The following VWC2L variants were observed in gnomAD, a reference collection of about 807,000 sequenced individuals.
VWC2L encodes the protein von Willebrand factor C domain-containing protein 2-like.
VWC2L carries 10 observed loss-of-function variants against 21.6 expected under a neutral mutation model. The observed-to-expected ratio is 0.46, with a 90% CI of 0.29 to 0.78. The LOEUF is 0.78. Ranked by LOEUF, VWC2L falls within the 30% of genes least tolerant of loss-of-function variation. VWC2L has a pLI of 0.10. For missense variants in VWC2L, 209 were observed against 277.1 expected (o/e 0.75, Z 1.74); for synonymous variants, 96 against 94.3 (o/e 1.02, Z -0.10).
intron 3 of VWC2L, among the ~76,000 whole-genome samples, chr2:214,542,595 T>C (rs1289423432): frequency 6.6e-6 from 1 of 152,198 alleles, no homozygotes; most frequent in East Asian, 1.9e-4. Flanking sequence ...TTAGCTACTG[T>C]CCACCACGCA....
At chr2:214,448,905 T>A (rs1375723502) in intron 3 of VWC2L, among the ~76,000 whole-genome samples, 1 of 152,106 alleles carries the variant, frequency 6.6e-6, no homozygotes, top group Non-Finnish European at 1.5e-5. Flanking sequence ...CTTTCCATCC[T>A]ATTCTCCCAG....
chr2:214,568,958 C>T (rs1380914008), intron 3 of VWC2L, among the ~76,000 whole-genome samples: 1 of 152,164 alleles, frequency 6.6e-6, no homozygotes, highest in African/African-American at 2.4e-5. Context: ...CAGCCCTTTT[C>T]TTCTCCCTCC....
intron 3 of VWC2L, among the ~76,000 whole-genome samples, chr2:214,546,561 C>T (rs922206504): frequency 6.6e-6 from 1 of 152,142 alleles, no homozygotes; most frequent in Non-Finnish European, 1.5e-5. Flanking sequence ...AATGTTCACA[C>T]ACAAACCGGG....
chr2:214,501,113 A>G (rs923836716), intron 3 of VWC2L, among the ~76,000 whole-genome samples: 1 of 152,224 alleles, frequency 6.6e-6, no homozygotes, highest in Non-Finnish European at 1.5e-5. Flanking sequence ...CAGTAAGCCA[A>G]TACTAAACCC....
Position 214,411,054 on chromosome 2 carries a change from A to G in VWC2L, c.-813A>G, listed in dbSNP as rs968965841. ...AGTGCGACTGCTTGGAGAGCACTCT[A>G]GCCTCGTCTAAAGCAGCTCTGGGAT... On this transcript the variant is annotated 5_prime_UTR_variant, in exon 1 of 4. Coordinates refer to ENST00000312504, the MANE Select transcript of VWC2L (RefSeq NM_001080500.4). The G allele has an allele frequency of 3.9e-5, 6 of 152,312 alleles. No individual in the cohort carries two copies. In the East Asian group the frequency reaches 7.7e-4, roughly 20 times the overall value. 9.4% of individuals were successfully genotyped at this position (152,312 alleles called of 1,614,324 possible). A position where few individuals can be genotyped will look rare whatever the true frequency, so the allele number is the denominator to read the frequency against.
chr2:214,551,108 A>C (rs1422005502), intron 3 of VWC2L, among the ~76,000 whole-genome samples: 1 of 152,206 alleles, frequency 6.6e-6, no homozygotes, highest in African/African-American at 2.4e-5. Context: ...ACTATGTTTT[A>C]AAAGAAAAAG....
chr2:214,539,914 G>A (rs1689601202), intron 3 of VWC2L, among the ~76,000 whole-genome samples: 1 of 152,014 alleles, frequency 6.6e-6, no homozygotes, highest in South Asian at 2.1e-4. Context: ...GCTGCATGGG[G>A]CTTGTTTGGG....
chr2:214,436,869 C>G (rs1047613197), intron 3 of VWC2L, 111 bp downstream of exon 3: 1 of 1,253,714 alleles, frequency 8.0e-7, no homozygotes, highest in Non-Finnish European at 1.1e-6. Flanking sequence ...TGTGGCTTTT[C>G]AATATGGGCA....
chr2:214,415,189 T>TA (rs1321027239), intron 2 of VWC2L: 2 of 152,176 alleles, frequency 1.3e-5, no homozygotes, highest in African/African-American at 4.8e-5. Context: ...TAAAGAGTAG[T>TA]AAAAAAGACT....
intron 3 of VWC2L, among the ~76,000 whole-genome samples, chr2:214,485,314 A>G (rs2126198643): frequency 6.6e-6 from 1 of 152,264 alleles, no homozygotes; most frequent in Admixed American, 6.5e-5. Context: ...CTTTAAAAAA[A>G]GAAAAAAAAA....
At chr2:214,418,786 G>A (rs2126170674) in intron 2 of VWC2L, among the ~76,000 whole-genome samples, 1 of 151,836 alleles carries the variant, frequency 6.6e-6, no homozygotes, top group Non-Finnish European at 1.5e-5. Context: ...AAGAAGCACT[G>A]AAAGTTGAGA....
At chr2:214,470,326 G>A (rs900047336) in intron 3 of VWC2L, among the ~76,000 whole-genome samples, 8 of 151,722 alleles carry the variant, frequency 5.3e-5, no homozygotes, top group South Asian at 2.1e-4. Context: ...CCTCATTCTC[G>A]GGGTCCCATG....
intron 3 of VWC2L, among the ~76,000 whole-genome samples, chr2:214,516,150 A>G (rs540467537): frequency 5.3e-5 from 8 of 152,074 alleles, no homozygotes; most frequent in Non-Finnish European, 8.8e-5. Flanking sequence ...AATTAGCCAT[A>G]CGGGGAGTAT....
chr2:214,556,080 C>T lies in VWC2L; in HGVS notation c.521-19592C>T, dbSNP rs1689868491. 2.0e-5 allele frequency among the ~76,000 whole-genome samples: 3 copies of T among 152,134 alleles called. No homozygotes were observed. The South Asian group carries it at 6.2e-4, about 32-fold the overall frequency. On this transcript the variant is annotated intron_variant, in intron 3 of 3. Coordinates refer to ENST00000312504, the MANE Select transcript of VWC2L (RefSeq NM_001080500.4). Reference sequence around the variant, plus strand: ...GATCACCAATGCAGAGAGTTCCTCCCGTCTCTACTAAAAATAAAAATAAAT... The same window carrying T: ...GATCACCAATGCAGAGAGTTCCTCCTGTCTCTACTAAAAATAAAAATAAAT...
At chr2:214,418,925 G>A (rs1268062037) in intron 2 of VWC2L, among the ~76,000 whole-genome samples, 1 of 152,140 alleles carries the variant, frequency 6.6e-6, no homozygotes, top group African/African-American at 2.4e-5. Flanking sequence ...CTTGGATTCT[G>A]TCTCCATCCC....
intron 3 of VWC2L, among the ~76,000 whole-genome samples, chr2:214,519,736 T>G (rs1226643320): frequency 6.6e-6 from 1 of 152,114 alleles, no homozygotes; most frequent in South Asian, 2.1e-4. Context: ...GGTCCCATTT[T>G]CTCCCCATAG....
At chr2:214,494,777 ACTT>A (rs1574596548) in intron 3 of VWC2L, among the ~76,000 whole-genome samples, 1 of 142,136 alleles carries the variant, frequency 7.0e-6, no homozygotes, top group East Asian at 2.1e-4. Context: ...AGCACTAGGT[ACTT>A]TTTTTTTTTT....
At chr2:214,458,941 C>T (rs902160262) in intron 3 of VWC2L, among the ~76,000 whole-genome samples, 1 of 152,136 alleles carries the variant, frequency 6.6e-6, no homozygotes, top group Non-Finnish European at 1.5e-5. Flanking sequence ...TCCATTTGGT[C>T]TAATGCGCAG....
chr2:214,552,672 A>T (rs1402457305), intron 3 of VWC2L, among the ~76,000 whole-genome samples: 2 of 152,190 alleles, frequency 1.3e-5, no homozygotes, highest in Non-Finnish European at 2.9e-5. Context: ...CTTAAATGTT[A>T]GTTCCTTGGG....
Sources: allele counts gnomAD v4.1 joint callset (sites outside exome capture counted in the v4.1 genomes callset), GRCh38; gene constraint gnomAD v4.1.1; transcripts MANE v1.5; gene names NCBI Gene and HGNC (gene_info 2026-07-23, HGNC 2026-07-21).